Variants in TCF12 observed in about 807,000 individuals in gnomAD.
TCF12 encodes the protein transcription factor 12.
TCF12 carries 45 observed loss-of-function variants against 86.0 expected under a neutral mutation model. The observed-to-expected ratio is 0.52, with a 90% CI of 0.41 to 0.67. The LOEUF is 0.67. TCF12 is among the 30% of genes least tolerant of loss of function. The pLI, the probability that TCF12 is intolerant of heterozygous loss-of-function variation, is 0.00. For synonymous variants in TCF12, 330 were observed against 299.6 expected, an observed-to-expected ratio of 1.10 and a Z score of -1.05; for missense variants, 881 against 859.9, an observed-to-expected ratio of 1.02 and a Z score of -0.31.
intron 5 of TCF12, among the ~76,000 whole-genome samples, chr15:57,143,179 A>T (rs2053114738): frequency 6.7e-6 from 1 of 149,022 alleles, no homozygotes; most frequent in African/African-American, 2.5e-5. Context: ...AAAAAAAAAG[A>T]AGTAAAGCTA....
intron 8 of TCF12, chr15:57,219,459 G>T (rs1184310509): frequency 2.5e-6 from 4 of 1,569,844 alleles, no homozygotes; most frequent in Non-Finnish European, 2.6e-6. Flanking sequence ...TGCCTGTGTG[G>T]ATATATGTCT....
intron 7 of TCF12, among the ~76,000 whole-genome samples, chr15:57,195,548 G>A (rs1273551142): frequency 2.0e-5 from 3 of 152,204 alleles, no homozygotes; most frequent in African/African-American, 7.2e-5. Context: ...TGGCACTTCT[G>A]TTTTAAGGAA....
chr15:57,014,049 A>C (rs1388539391), intron 3 of TCF12, among the ~76,000 whole-genome samples: 3 of 152,100 alleles, frequency 2.0e-5, no homozygotes, highest in Admixed American at 2.0e-4. Context: ...AAAAATTGAC[A>C]TTGTTGTGTT....
At chr15:57,091,121 G>A (rs1229890898) in intron 4 of TCF12, among the ~76,000 whole-genome samples, 2 of 152,102 alleles carry the variant, frequency 1.3e-5, no homozygotes, top group African/African-American at 4.8e-5. Context: ...AATCAGCTAT[G>A]TTTAATAATT....
At position 57,237,173 on chromosome 15, in the gene TCF12, A is replaced by G. The variant is rs201932523; in HGVS notation, c.1035+3066A>G. Reference sequence around the variant, plus strand: ...AGTGTGTGTGTGTGTGTGTGTGTGTATATGTATGTGTGTATTAATCTGGAT... The same window carrying G: ...AGTGTGTGTGTGTGTGTGTGTGTGTGTATGTATGTGTGTATTAATCTGGAT... On this transcript the variant is annotated intron_variant, in intron 12 of 20. Coordinates refer to ENST00000333725, the MANE Select transcript of TCF12 (RefSeq NM_207037.2). 7.3e-3 allele frequency among the ~76,000 whole-genome samples: 1,026 copies of G among 140,568 alleles called. 6 individuals carry two copies. The highest frequency in any genetic ancestry group is 0.022 in the African/African-American group (861 of 39,284). 92.2% of individuals were successfully genotyped at this position (140,568 alleles called of 152,430 possible).
At chr15:57,136,143 A>G (rs1317492203) in intron 5 of TCF12, among the ~76,000 whole-genome samples, 1 of 152,228 alleles carries the variant, frequency 6.6e-6, no homozygotes, top group Non-Finnish European at 1.5e-5. Context: ...AGTATCCTTG[A>G]TACATTAGGT....
At chr15:57,145,474 G>C (rs1280488357) in intron 5 of TCF12, among the ~76,000 whole-genome samples, 2 of 151,886 alleles carry the variant, frequency 1.3e-5, no homozygotes, top group Admixed American at 1.3e-4. Flanking sequence ...AGTAAATGTA[G>C]TTTGAAATAT....
intron 7 of TCF12, among the ~76,000 whole-genome samples, chr15:57,193,373 A>G (rs1419705873): frequency 6.6e-6 from 1 of 152,238 alleles, no homozygotes; most frequent in African/African-American, 2.4e-5. Context: ...TTACTGCAAA[A>G]GCAAACTTTG....
chr15:57,078,327 G>A (rs1212898577), intron 4 of TCF12, among the ~76,000 whole-genome samples: 1 of 152,050 alleles, frequency 6.6e-6, no homozygotes, highest in Non-Finnish European at 1.5e-5. Flanking sequence ...AATTTTTACT[G>A]TTTATTATCA....
intron 4 of TCF12, among the ~76,000 whole-genome samples, chr15:57,071,945 A>T (rs1387370411): frequency 6.6e-6 from 1 of 152,254 alleles, no homozygotes; most frequent in Non-Finnish European, 1.5e-5. Flanking sequence ...TTTGTGGGAA[A>T]ATAGTACGAG....
At chr15:57,205,182 G>C (rs771026853) in intron 8 of TCF12, among the ~76,000 whole-genome samples, 1 of 152,056 alleles carries the variant, frequency 6.6e-6, no homozygotes, top group Admixed American at 6.6e-5. Flanking sequence ...GCATGGTGTT[G>C]TGTGCCTATA....
At chr15:57,127,696 GAA>G (rs1420116310) in intron 5 of TCF12, among the ~76,000 whole-genome samples, 3 of 152,302 alleles carry the variant, frequency 2.0e-5, no homozygotes, top group African/African-American at 7.2e-5. Flanking sequence ...CACTCCCAGT[GAA>G]AGTGTAAGAA....
chr15:57,152,359 G>A (rs893886954), intron 5 of TCF12, among the ~76,000 whole-genome samples: 10 of 151,820 alleles, frequency 6.6e-5, no homozygotes, highest in Admixed American at 5.3e-4. Context: ...TGGAACTATC[G>A]AGGCAAAACA....
At chr15:57,168,716 T>A (rs1325625091) in intron 6 of TCF12, among the ~76,000 whole-genome samples, 2 of 152,310 alleles carry the variant, frequency 1.3e-5, no homozygotes, top group East Asian at 3.9e-4. Flanking sequence ...CCATCATTCT[T>A]CTGAATCTCT....
At chr15:57,082,361 T>C (rs1271933772) in intron 4 of TCF12, among the ~76,000 whole-genome samples, 1 of 152,166 alleles carries the variant, frequency 6.6e-6, no homozygotes, top group African/African-American at 2.4e-5. Context: ...TAAAAATATA[T>C]GGTATATCTT....
At chr15:57,269,652 G>C (rs561881913) in intron 18 of TCF12, among the ~76,000 whole-genome samples, 1 of 151,968 alleles carries the variant, frequency 6.6e-6, no homozygotes, top group Non-Finnish European at 1.5e-5. Flanking sequence ...TCATAGCATC[G>C]ATGGTCTTTA....
chr15:57,217,931 G>A (rs1225375055), intron 8 of TCF12, among the ~76,000 whole-genome samples: 1 of 152,102 alleles, frequency 6.6e-6, no homozygotes, highest in East Asian at 1.9e-4. Flanking sequence ...CCGCAGACTG[G>A]CATTTTAATA....
At chr15:57,086,212 G>GATAATAATAATATA (rs1555501434) in intron 4 of TCF12, among the ~76,000 whole-genome samples, 1 of 141,622 alleles carries the variant, frequency 7.1e-6, no homozygotes, top group East Asian at 2.0e-4. Context: ...GGATGATGAT[G>GATAATAATAATATA]ATAATAATAA....
intron 3 of TCF12, among the ~76,000 whole-genome samples, chr15:57,012,491 T>C (rs72751007): frequency 0.031 from 4,690 of 152,286 alleles, 114 homozygotes; most frequent in South Asian, 0.066. Flanking sequence ...GATCTACAAG[T>C]GTGGCTCTCA....
Sources: gnomAD v4.1 joint callset for allele counts (sites outside exome capture counted in the v4.1 genomes callset) on GRCh38, gnomAD v4.1.1 for gene constraint, MANE v1.5 for transcripts, NCBI Gene and HGNC (gene_info 2026-07-23, HGNC 2026-07-21) for gene names.